Variants in ADGRF4 observed in about 807,000 individuals in gnomAD.
ADGRF4 encodes G-protein coupled receptor PGR18.
Under a neutral mutation model 58.5 loss-of-function variants are expected in ADGRF4, and 63 were observed. The ratio of observed to expected loss-of-function variants is 1.08; its 90% confidence interval spans 0.88 to 1.33. The LOEUF is 1.33. Among genes scored for constraint, ADGRF4 ranks in the 40% most tolerant of loss-of-function variants. ADGRF4 has a pLI of 0.00. For synonymous variants in ADGRF4, 313 were observed against 295.4 expected (o/e 1.06, Z -0.61); for missense variants, 931 against 843.9 (o/e 1.10, Z -1.28).
intron 3 of ADGRF4, among the ~76,000 whole-genome samples, chr6:47,710,516 A>G (rs1367294257): frequency 2.0e-5 from 3 of 152,078 alleles, no homozygotes; most frequent in Non-Finnish European, 4.4e-5. Flanking sequence ...TTTCTGAATG[A>G]TGTGAAATTC....
intron 6 of ADGRF4, among the ~76,000 whole-genome samples, chr6:47,716,461 G>A (rs930248885): frequency 1.3e-5 from 2 of 152,134 alleles, no homozygotes; most frequent in Non-Finnish European, 1.5e-5. Flanking sequence ...TGAATTACAA[G>A]TTTCTGTCAC....
intron 1 of ADGRF4, among the ~76,000 whole-genome samples, chr6:47,704,775 TA>T (rs1446063410): frequency 6.6e-6 from 1 of 152,196 alleles, no homozygotes; most frequent in Non-Finnish European, 1.5e-5. Flanking sequence ...GTAGCAAAGA[TA>T]AGTATTTTTA....
intron 1 of ADGRF4, among the ~76,000 whole-genome samples, chr6:47,706,201 T>A (rs1227242765): frequency 6.6e-6 from 1 of 152,198 alleles, no homozygotes; most frequent in Admixed American, 6.5e-5. Flanking sequence ...CACTATCCCA[T>A]ATGAAAGTGT....
chr6:47,713,877 G>C lies in ADGRF4; in HGVS notation c.632G>C (p.Ser211Thr). 6.2e-7 allele frequency: 1 copy of C among 1,604,804 alleles called. No individual in the cohort carries two copies. The highest frequency in any genetic ancestry group is 8.5e-7 in the Non-Finnish European group (1 of 1,176,424). ...GCTTTCATTCCCAACAAAAATGCCA[G>C]CTCGGATTTGTTGCAGTCAGTGAAT... Reference protein sequence around the residue: ...NWAFIPNKNASSDLLQSVNLF... With the variant: ...NWAFIPNKNATSDLLQSVNLF... The change falls in exon 6 of 10, where the codon AGC (serine) becomes ACC (threonine). Residue 211 changes from serine (S) to threonine (T), a missense_variant. Physicochemically the swap from Ser to Thr is moderately conservative, Grantham distance 58. Coordinates refer to ENST00000283303, the MANE Select transcript of ADGRF4 (RefSeq NM_153838.5).
intron 9 of ADGRF4, among the ~76,000 whole-genome samples, chr6:47,718,953 G>A (rs1772096241): frequency 6.6e-6 from 1 of 152,152 alleles, no homozygotes; most frequent in Non-Finnish European, 1.5e-5. Flanking sequence ...GGAAGCAGGA[G>A]AATAAGTCAC....
At chr6:47,715,557 C>T (rs911160756) in intron 6 of ADGRF4, 2 of 169,664 alleles carry the variant, frequency 1.2e-5, no homozygotes, top group African/African-American at 4.8e-5. Context: ...ATAACAGTCA[C>T]TTTCTATATT....
chr6:47,711,016 T>G, intron 4 of ADGRF4, 130 bp downstream of exon 4: 4 of 838,662 alleles, frequency 4.8e-6, no homozygotes, highest in Non-Finnish European at 7.1e-6. Flanking sequence ...CAGAATGGGT[T>G]AAATTTGTTT....
chr6:47,707,332 C>A lies in ADGRF4; in HGVS notation c.87C>A (p.His29Gln). Residue 29 changes from histidine to glutamine, a missense_variant, in exon 2 of 10, where the codon CAC becomes CAA. Transcript: ENST00000283303. The part of the protein sequence containing the change: ...TECSHYRSKI[H>Q]LKAGDKLQSP... ...GTTCCCACTATAGATCCAAGATTCA[C>A]CTAAAAGTAAGTTTGATCTATTCCT... The A allele has an allele frequency of 6.3e-7, 1 of 1,598,926 alleles. No individual in the cohort carries two copies. Among genetic ancestry groups the A allele is most frequent in the Non-Finnish European group, 8.6e-7 (1 of 1,166,118 alleles).
rs747115069 is a variant in ADGRF4, at chr6:47,714,253, C to T, written c.1008C>T (p.Phe336=). The T allele has an allele frequency of 5.6e-6, 9 of 1,613,990 alleles. No homozygotes were observed. Among genetic ancestry groups the T allele is most frequent in the South Asian group, 3.3e-5 (3 of 91,076 alleles). Residue 336 remains phenylalanine (F), a synonymous_variant, in exon 6 of 10, where the codon TTC becomes TTT. Coordinates refer to ENST00000283303, the MANE Select transcript of ADGRF4 (RefSeq NM_153838.5). The part of the protein sequence containing the change: ...PERLQEIILT[F]EKINKTRNAR... ...GGTTGCAAGAAATCATACTCACCTT[C>T]GAAAAGATCAATAAAACCCGCAATG... is the stretch of plus-strand genomic sequence containing the variant.
intron 9 of ADGRF4, among the ~76,000 whole-genome samples, chr6:47,719,075 A>C (rs1772098869): frequency 6.6e-6 from 1 of 152,190 alleles, no homozygotes; most frequent in African/African-American, 2.4e-5. Context: ...TTGTTATAGA[A>C]GAGTTTCAGA....
intron 1 of ADGRF4, among the ~76,000 whole-genome samples, chr6:47,704,638 G>A (rs9395313): frequency 6.6e-6 from 1 of 151,990 alleles, no homozygotes; most frequent in Non-Finnish European, 1.5e-5. Flanking sequence ...CAAACTGCAG[G>A]TTACAATCCA....
intron 1 of ADGRF4, among the ~76,000 whole-genome samples, chr6:47,702,171 T>A (rs984021981): frequency 2.0e-5 from 3 of 152,204 alleles, no homozygotes; most frequent in Non-Finnish European, 4.4e-5. Context: ...AATTGGTAAA[T>A]CCTGGGTGAA....
At chr6:47,719,774 A>T (rs1772112871) in intron 9 of ADGRF4, among the ~76,000 whole-genome samples, 1 of 152,184 alleles carries the variant, frequency 6.6e-6, no homozygotes, top group African/African-American at 2.4e-5. Flanking sequence ...ACACAGTAGA[A>T]GGCAAGATCA....
Position 47,714,356 on chromosome 6 carries a change from A to G in ADGRF4, c.1111A>G (p.Arg371Gly). 1 of 1,614,160 alleles carries G rather than the reference A, an allele frequency of 6.2e-7. No individual in the cohort carries two copies. The highest frequency in any genetic ancestry group is 8.5e-7 in the Non-Finnish European group (1 of 1,180,010). The change falls in exon 6 of 10, where the codon AGG becomes GGG. Residue 371 changes from arginine to glycine, a missense_variant. Physicochemically the swap from Arg to Gly is moderately radical, Grantham distance 125 (BLOSUM62 -2). Transcript: ENST00000283303. ...AGCGTGCCAAATGATGTTGGATATC[A>G]GGAACGAAGTGAAATGCCGCTGTAA... ...EKACQMMLDIRNEVKCRCNYT... is the reference protein window; with the variant it reads ...EKACQMMLDIGNEVKCRCNYT...
intron 9 of ADGRF4, among the ~76,000 whole-genome samples, chr6:47,719,063 C>A (rs1928467): frequency 0.57 from 86,930 of 151,998 alleles, 25,683 homozygotes; most frequent in Middle Eastern, 0.69. Flanking sequence ...GGCCTTTCTG[C>A]ATTGTTATAG....
At chr6:47,717,747 C>G (rs1220576619) in intron 8 of ADGRF4, among the ~76,000 whole-genome samples, 1 of 152,306 alleles carries the variant, frequency 6.6e-6, no homozygotes, top group East Asian at 1.9e-4. Flanking sequence ...GGGCACATGG[C>G]CACCCAGCTA....
chr6:47,703,084 C>A (rs926179559), intron 1 of ADGRF4, among the ~76,000 whole-genome samples: 7 of 152,160 alleles, frequency 4.6e-5, no homozygotes, highest in Non-Finnish European at 8.8e-5. Flanking sequence ...TTTCAGGAGA[C>A]CACTCACTAC....
At chr6:47,710,098 A>G (rs976928640) in intron 3 of ADGRF4, among the ~76,000 whole-genome samples, 1 of 152,168 alleles carries the variant, frequency 6.6e-6, no homozygotes, top group Admixed American at 6.5e-5. Flanking sequence ...CACACATCAA[A>G]CAAGGTCATA....
At chr6:47,711,123 A>G (rs9381601) in intron 4 of ADGRF4, among the ~76,000 whole-genome samples, 1 of 128,822 alleles carries the variant, frequency 7.8e-6, no homozygotes, top group Non-Finnish European at 1.7e-5. Flanking sequence ...AAAAAAAAAA[A>G]AAAAAAGATA....
Sources: allele counts gnomAD v4.1 joint callset (sites outside exome capture counted in the v4.1 genomes callset), GRCh38; gene constraint gnomAD v4.1.1; transcripts MANE v1.5; gene names NCBI Gene and HGNC (gene_info 2026-07-23, HGNC 2026-07-21).